FBXL7: variants seen among roughly 807,000 people sequenced by gnomAD.
FBXL7 encodes the protein F-box/LRR-repeat protein 7.
FBXL7 carries 12 observed loss-of-function variants against 38.3 expected under a neutral mutation model. The observed-to-expected ratio is 0.31, with a 90% CI of 0.20 to 0.51. The LOEUF (loss-of-function observed/expected upper bound fraction) is 0.51, where lower values mean the gene tolerates loss of function less well. FBXL7 is among the 20% of genes least tolerant of loss of function. FBXL7 has a pLI of 0.98. For missense variants in FBXL7, 567 were observed against 676.4 expected, an observed-to-expected ratio of 0.84 and a Z score of 1.79; for synonymous variants, 297 against 300.9, an observed-to-expected ratio of 0.99 and a Z score of 0.13.
At chr5:15,535,732 G>A (rs1737565297) in intron 1 of FBXL7, among the ~76,000 whole-genome samples, 2 of 152,234 alleles carry the variant, frequency 1.3e-5, no homozygotes, top group Admixed American at 1.3e-4. Context: ...CTGTTTAAGA[G>A]GGAAGCAGAA....
chr5:15,738,708 C>G (rs1735820556), intron 2 of FBXL7, among the ~76,000 whole-genome samples: 1 of 152,246 alleles, frequency 6.6e-6, no homozygotes, highest in Non-Finnish European at 1.5e-5. Flanking sequence ...GAGTCCCCTA[C>G]AGATCTGCTA....
chr5:15,554,253 G>A (rs1213321370), intron 1 of FBXL7, among the ~76,000 whole-genome samples: 1 of 152,084 alleles, frequency 6.6e-6, no homozygotes, highest in South Asian at 2.1e-4. Flanking sequence ...GGGTTCTTAG[G>A]TGGCAGAGCT....
At chr5:15,815,606 TTGAC>T (rs1221909601) in intron 2 of FBXL7, among the ~76,000 whole-genome samples, 5 of 152,196 alleles carry the variant, frequency 3.3e-5, no homozygotes, top group African/African-American at 1.2e-4. Flanking sequence ...ATCAAGATAC[TTGAC>T]TATTTAGGAC....
intron 2 of FBXL7, among the ~76,000 whole-genome samples, chr5:15,828,976 T>C (rs1189070102): frequency 6.6e-6 from 1 of 152,196 alleles, no homozygotes; most frequent in East Asian, 1.9e-4. Flanking sequence ...GCATTTTTAA[T>C]TAAATAGCTG....
intron 2 of FBXL7, among the ~76,000 whole-genome samples, chr5:15,851,327 A>G (rs1739087426): frequency 6.6e-6 from 1 of 152,188 alleles, no homozygotes; most frequent in African/African-American, 2.4e-5. Flanking sequence ...GTGCAAGTTG[A>G]AAACAGATAT....
chr5:15,664,249 G>A (rs976778108), intron 2 of FBXL7, among the ~76,000 whole-genome samples: 13 of 151,862 alleles, frequency 8.6e-5, no homozygotes, highest in East Asian at 5.8e-4. Context: ...CAGTATACAC[G>A]CATTTTTCTC....
chr5:15,576,984 TA>T (rs1375848901), intron 1 of FBXL7, among the ~76,000 whole-genome samples: 1 of 152,208 alleles, frequency 6.6e-6, no homozygotes, highest in Non-Finnish European at 1.5e-5. Flanking sequence ...TTTTTTAAAG[TA>T]AAAGCTGAGT....
chr5:15,593,458 A>T (rs1580391195), intron 1 of FBXL7, among the ~76,000 whole-genome samples: 1 of 152,102 alleles, frequency 6.6e-6, no homozygotes, highest in South Asian at 2.1e-4. Context: ...CAGGAGGCGG[A>T]GGCTAGAGTG....
At chr5:15,774,620 GT>G (rs1736814370) in intron 2 of FBXL7, among the ~76,000 whole-genome samples, 1 of 152,154 alleles carries the variant, frequency 6.6e-6, no homozygotes, top group Non-Finnish European at 1.5e-5. Context: ...TCAGTCCATT[GT>G]TTTGCTAAGG....
At chr5:15,879,166 A>G (rs1330415985) in intron 2 of FBXL7, among the ~76,000 whole-genome samples, 2 of 152,200 alleles carry the variant, frequency 1.3e-5, no homozygotes, top group African/African-American at 4.8e-5. Flanking sequence ...ACCTCCTTGC[A>G]GAAGTCATGC....
Position 15,927,731 on chromosome 5 carries a change from C to T in FBXL7, c.128-159C>T, listed in dbSNP as rs537664582. 8.1e-5 allele frequency among the ~76,000 whole-genome samples: 11 copies of T among 136,392 alleles called. No homozygotes were observed. The South Asian group carries it at 1.2e-3, about 15-fold the overall frequency. The allele number at this position is 136,392 out of a possible 152,430, so 89.5% of individuals were successfully genotyped here. A position where few individuals can be genotyped will look rare whatever the true frequency, so the allele number is the denominator to read the frequency against. Reference sequence around the variant, plus strand: ...CGGAGGTTGCCATGAGCCAAGATCACGCCATTGCACTCCCGCCTGGGCGAC... The same window carrying T: ...CGGAGGTTGCCATGAGCCAAGATCATGCCATTGCACTCCCGCCTGGGCGAC... On this transcript the variant is annotated intron_variant, in intron 2 of 3. Transcript: ENST00000504595.
At chr5:15,854,582 CTG>C in intron 2 of FBXL7, among the ~76,000 whole-genome samples, 1 of 152,280 alleles carries the variant, frequency 6.6e-6, no homozygotes, top group South Asian at 2.1e-4. Flanking sequence ...AGAAATTAAA[CTG>C]TATGATTTTT....
At chr5:15,650,896 C>A (rs1311054609) in intron 2 of FBXL7, among the ~76,000 whole-genome samples, 2 of 152,106 alleles carry the variant, frequency 1.3e-5, no homozygotes, top group East Asian at 1.9e-4. Flanking sequence ...AATGCTAGAA[C>A]CCCTCAAAGC....
intron 1 of FBXL7, among the ~76,000 whole-genome samples, chr5:15,537,808 G>C (rs1490447932): frequency 1.3e-5 from 2 of 152,218 alleles, no homozygotes; most frequent in African/African-American, 4.8e-5. Context: ...GGGGCCACTG[G>C]TTTTAGATGG....
chr5:15,712,038 C>T, intron 2 of FBXL7, among the ~76,000 whole-genome samples: 1 of 152,086 alleles, frequency 6.6e-6, no homozygotes, highest in East Asian at 1.9e-4. Flanking sequence ...GATGGATCAC[C>T]ACTGCATCAT....
intron 2 of FBXL7, among the ~76,000 whole-genome samples, chr5:15,892,346 G>A (rs1740937648): frequency 6.6e-6 from 1 of 152,188 alleles, no homozygotes; most frequent in African/African-American, 2.4e-5. Flanking sequence ...TACAAAGACT[G>A]TGGCTCTTAT....
At chr5:15,544,019 A>G (rs756113686) in intron 1 of FBXL7, among the ~76,000 whole-genome samples, 6 of 152,316 alleles carry the variant, frequency 3.9e-5, no homozygotes, top group Non-Finnish European at 8.8e-5. Context: ...TAAGACACGC[A>G]GACCGAGAAT....
At chr5:15,617,710 A>G (rs1006609352) in intron 2 of FBXL7, among the ~76,000 whole-genome samples, 67 of 152,166 alleles carry the variant, frequency 4.4e-4, no homozygotes, top group Admixed American at 2.9e-3. Flanking sequence ...AAGTGCTGGG[A>G]TTACAGGCAT....
intron 1 of FBXL7, among the ~76,000 whole-genome samples, chr5:15,545,821 T>G (rs918453635): frequency 1.2e-4 from 18 of 152,202 alleles, no homozygotes; most frequent in Non-Finnish European, 4.4e-5. Context: ...AAAGATGTAT[T>G]AGGGCTGTAA....
Sources: allele counts gnomAD v4.1 joint callset (sites outside exome capture counted in the v4.1 genomes callset), GRCh38; gene constraint gnomAD v4.1.1; transcripts MANE v1.5; gene names NCBI Gene and HGNC (gene_info 2026-07-23, HGNC 2026-07-21).